The following TCHH variants were observed in gnomAD, a reference collection of about 807,000 sequenced individuals.
TCHH encodes trichohyalin.
Under a neutral mutation model 6.3 loss-of-function variants are expected in TCHH, and 6 were observed. That is an observed-to-expected ratio of 0.95 (90% confidence interval 0.52 to 1.88). The LOEUF (loss-of-function observed/expected upper bound fraction) is 1.88, where lower values mean the gene tolerates loss of function less well. Among genes scored for constraint, TCHH ranks in the 40% most tolerant of loss-of-function variants. The probability of loss-of-function intolerance (pLI) is 0.01; values close to 1 mark genes in which losing one functional copy is unlikely to be tolerated. For missense variants in TCHH, 2,920 were observed against 2,449.1 expected (o/e 1.19, Z -4.06); for synonymous variants, 1,087 against 963.6 (o/e 1.13, Z -2.37).
chr1:152,112,955 C>T lies in TCHH; in HGVS notation c.262G>A (p.Ala88Thr), dbSNP rs1285107430. Residue 88 changes from alanine to threonine, a missense_variant, in exon 3 of 3, where the codon GCT becomes ACT. By Grantham distance (58) the Ala-to-Thr change is moderately conservative (BLOSUM62 0). Transcript: ENST00000614923. ...TCCAGTCCCGTGGCCTGGCCGAGAG[C>T]ATAGTAACAAGCTTGAGCCACTTTG... ...IFKVAQACYY[A>T]LGQATGLDEE... is the part of the protein sequence containing the mutation. 1.1e-5 allele frequency: 18 copies of T among 1,614,012 alleles called. No individual in the cohort carries two copies. In the East Asian group the frequency reaches 2.2e-4, roughly 20 times the overall value.
rs1165762801 is a variant in TCHH, at chr1:152,107,227, G to A, written c.*158C>T. On this transcript the variant is annotated 3_prime_UTR_variant, in exon 3 of 3. Coordinates refer to ENST00000614923, the MANE Select transcript of TCHH (RefSeq NM_007113.4). ...AATAAAAAGCAGAAGTACAAAGTGC[G>A]TAAAATGAGCGTAGTTTAAGATTTT... 6 of 748,084 alleles carry A rather than the reference G, an allele frequency of 8.0e-6. No homozygotes were observed. Among genetic ancestry groups the A allele is most frequent in the African/African-American group, 3.5e-5 (2 of 57,698 alleles). 46.3% of individuals were successfully genotyped at this position (748,084 alleles called of 1,614,324 possible).
chr1:152,113,991 C>G lies in TCHH; in HGVS notation c.90G>C (p.Lys30Asn). 3 of 1,613,970 alleles carry G rather than the reference C, an allele frequency of 1.9e-6. No individual in the cohort carries two copies. The highest frequency in any genetic ancestry group is 1.7e-6 in the Non-Finnish European group (2 of 1,179,938). Residue 30 changes from lysine to asparagine, a missense_variant, in exon 2 of 3, where the codon AAG becomes AAC. Physicochemically the swap from Lys to Asn is moderately conservative, Grantham distance 94. Coordinates refer to ENST00000614923, the MANE Select transcript of TCHH (RefSeq NM_007113.4). ...TTTCAAGGAGGTTCTTCAGGTCTTT[C>G]TTAGTTAATGCTGCTCCATCACAAT... is the stretch of plus-strand genomic sequence containing the variant. ...SHDCDGAALT[K>N]KDLKNLLERE...
In TCHH at chr1:152,110,045, G is replaced by A. The variant is rs753219535; in HGVS notation, c.3172C>T (p.Gln1058Ter). 1.9e-6 allele frequency: 3 copies of A among 1,607,538 alleles called. No homozygotes were observed. Among genetic ancestry groups the A allele is most frequent in the Non-Finnish European group, 2.5e-6 (3 of 1,177,646 alleles). ...RQYREEEELQ[Q>*]EEEQLLGEER... ...TCTCCCAGCAGCTGCTCTTCCTCCT[G>A]CTGCAGCTCCTCTTCCTCCCGATAT... Residue 1058 changes from glutamine to a stop codon, truncating the protein, a stop_gained, in exon 3 of 3, where the codon CAG becomes TAG. Transcript: ENST00000614923. LOFTEE classifies it low-confidence loss of function (END_TRUNC).
chr1:152,110,098 T>C lies in TCHH; in HGVS notation c.3119A>G (p.Lys1040Arg). The change falls in exon 3 of 3, where the codon AAA (lysine) becomes AGA (arginine). Residue 1040 changes from lysine to arginine, a missense_variant. Coordinates refer to ENST00000614923, the MANE Select transcript of TCHH (RefSeq NM_007113.4). ...EEQLLREEREKRRLQERERQY... is the reference protein window; with the variant it reads ...EEQLLREERERRRLQERERQY... ...CCTCTCCCGCTCCTGGAGTCTTCTT[T>C]TCTCCCGTTCCTCTCTCAGCAGCTG... 15 of 1,611,176 alleles carry C rather than the reference T, an allele frequency of 9.3e-6. No homozygotes were observed. Among genetic ancestry groups the C allele is most frequent in the Non-Finnish European group, 1.2e-5 (14 of 1,179,036 alleles).
rs1312808667 is a variant in TCHH at position 152,111,449 on chromosome 1, G to A, written c.1768C>T (p.Leu590=). 2.3e-5 allele frequency: 37 copies of A among 1,606,524 alleles called. No homozygotes were observed. Among genetic ancestry groups the A allele is most frequent in the Non-Finnish European group, 3.1e-5 (37 of 1,178,242 alleles). The change falls in exon 3 of 3, where the codon CTG becomes TTG. Residue 590 remains leucine (L), a synonymous_variant. Coordinates refer to ENST00000614923, the MANE Select transcript of TCHH (RefSeq NM_007113.4). ...KREEERRQQR[L]KREQEERLEQ... is the part of the protein sequence containing the mutation. Reference sequence around the variant, plus strand: ...AGCCTCTCTTCCTGCTCGCGCTTCAGCCGCTGCTGGCGCCTCTCCTCCTCG... The same window carrying A: ...AGCCTCTCTTCCTGCTCGCGCTTCAACCGCTGCTGGCGCCTCTCCTCCTCG...
At position 152,112,373 on chromosome 1, in the gene TCHH, C is replaced by G. The variant is rs745980819; in HGVS notation, c.844G>C (p.Glu282Gln). 2.5e-6 allele frequency: 4 copies of G among 1,613,788 alleles called. No homozygotes were observed. The highest frequency in any genetic ancestry group is 1.3e-5 in the African/African-American group (1 of 75,010). ...CGCTCCCTCCTCAGCTCTTGCCGCT[C>G]CAGCTTCCGTAGCTGCTCTTCTTCC... ...QEEEEQLRKLERQELRRERQE... is the reference protein window; with the variant it reads ...QEEEEQLRKLQRQELRRERQE... The change falls in exon 3 of 3, where the codon GAG (glutamate) becomes CAG (glutamine). Residue 282 changes from glutamate (E) to glutamine (Q), a missense_variant. Transcript: ENST00000614923.
At chr1:152,113,126 T>C in intron 2 of TCHH, 48 bp from the exon 3 acceptor site, 1 of 1,490,664 alleles carries the variant, frequency 6.7e-7, no homozygotes, top group Non-Finnish European at 9.0e-7. Flanking sequence ...TATTTACAGG[T>C]GGTAAAATTA....
Position 152,111,933 on chromosome 1 carries a change from C to T in TCHH, c.1284G>A (p.Glu428=), listed in dbSNP as rs774019362. The change falls in exon 3 of 3, where the codon GAG becomes GAA. Residue 428 remains glutamate, a synonymous_variant. Coordinates refer to ENST00000614923, the MANE Select transcript of TCHH (RefSeq NM_007113.4). ...TCTGCTCGTGCCTCTCCTCCTCCTG[C>T]TCGCGCCTCAGCTGCTGCTCGCGCC... ...QLRREQQLRR[E]QEEERHEQKH... 1 of 1,587,480 alleles carries T rather than the reference C, an allele frequency of 6.3e-7. No individual in the cohort carries two copies. The highest frequency in any genetic ancestry group is 8.5e-7 in the Non-Finnish European group (1 of 1,177,046).
Position 152,107,990 on chromosome 1 carries a change from G to C in TCHH, c.5227C>G (p.Gln1743Glu), listed in dbSNP as rs1190469585. ...TCTAGGATTTTTCTGTAGCGTTCTT[G>C]GCGGCGCAGCTGCTCTTGCTCCGTT... ...QETEQEQLRR[Q>E]ERYRKILEEE... The change falls in exon 3 of 3, where the codon CAA becomes GAA. Residue 1743 changes from glutamine (Q) to glutamate (E), a missense_variant. Physicochemically the swap from Gln to Glu is conservative, Grantham distance 29 (BLOSUM62 2). Coordinates refer to ENST00000614923, the MANE Select transcript of TCHH (RefSeq NM_007113.4). 3.7e-6 allele frequency: 6 copies of C among 1,613,226 alleles called. No individual in the cohort carries two copies. Among genetic ancestry groups the C allele is most frequent in the African/African-American group, 1.3e-5 (1 of 74,654 alleles).
rs746206484 is a variant in TCHH at position 152,110,940 on chromosome 1, C to T, written c.2277G>A (p.Gln759=). 57 of 1,613,234 alleles carry T rather than the reference C, an allele frequency of 3.5e-5. No homozygotes were observed. Among genetic ancestry groups the T allele is most frequent in the Non-Finnish European group, 4.7e-5 (55 of 1,179,992 alleles). The part of the protein sequence containing the change: ...QEEERAHRQQ[Q]EEEQRRDFTW... ...TGAAGTCCCGGCGCTGCTCCTCTTC[C>T]TGCTGCTGCCGGTGAGCCCGTTCCT... The change falls in exon 3 of 3, where the codon CAG becomes CAA. Residue 759 remains glutamine, a synonymous_variant. Transcript: ENST00000614923.
rs556651621 is a variant in TCHH at position 152,107,148 on chromosome 1, C to T, written c.*237G>A. 1 of 412,764 alleles carries T rather than the reference C, an allele frequency of 2.4e-6. No homozygotes were observed. Among genetic ancestry groups the T allele is most frequent in the African/African-American group, 2.0e-5 (1 of 49,640 alleles). 25.6% of individuals were successfully genotyped at this position (412,764 alleles called of 1,614,324 possible). A position where few individuals can be genotyped will look rare whatever the true frequency, so the allele number is the denominator to read the frequency against. On this transcript the variant is annotated 3_prime_UTR_variant, in exon 3 of 3. Coordinates refer to ENST00000614923, the MANE Select transcript of TCHH (RefSeq NM_007113.4). ...TATTTTTTTTAAATGCACACCACATCTGCATCAAAGAGCAAAAGAAAGACA... is the reference window on the plus strand; with the variant it reads ...TATTTTTTTTAAATGCACACCACATTTGCATCAAAGAGCAAAAGAAAGACA...
chr1:152,107,197 G>C lies in TCHH; in HGVS notation c.*188C>G, dbSNP rs1274839629. 1 of 543,044 alleles carries C rather than the reference G, an allele frequency of 1.8e-6. No individual in the cohort carries two copies. 33.6% of individuals were successfully genotyped at this position (543,044 alleles called of 1,614,324 possible). On this transcript the variant is annotated 3_prime_UTR_variant, in exon 3 of 3. Coordinates refer to ENST00000614923, the MANE Select transcript of TCHH (RefSeq NM_007113.4). The stretch of plus-strand genomic sequence containing the variant: ...CATCTTGCAGTAAAGAACTACTTGA[G>C]GAAGAATAAAAAGCAGAAGTACAAA...
rs766748307 is a variant in TCHH at position 152,108,404 on chromosome 1, G to A, written c.4813C>T (p.Arg1605Cys). 8 of 1,612,836 alleles carry A rather than the reference G, an allele frequency of 5.0e-6. No homozygotes were observed. In the South Asian group the frequency reaches 6.6e-5, roughly 13 times the overall value. ...AGCTGTTGTTGGCCCTCCTGGCGGC[G>A]CAGCTGCTGTTCGTCCTCCATGAAT... ...RKFMEDEQQL[R>C]RQEGQQQLRQ... The change falls in exon 3 of 3, where the codon CGC becomes TGC. Residue 1605 changes from arginine (R) to cysteine (C), a missense_variant. By Grantham distance (180) the Arg-to-Cys change is radical (BLOSUM62 -3). Transcript: ENST00000614923.
rs148335014 is a variant in TCHH at position 152,108,968 on chromosome 1, G to A, written c.4249C>T (p.Arg1417Cys). ...QLRQDRDRKF[R>C]EEEQQLSRQE... Reference sequence around the variant, plus strand: ...CGGCTCAGCTGCTGTTCCTCCTCGCGGAATTTTCTGTCGCGGTCCTGACGC... The same window carrying A: ...CGGCTCAGCTGCTGTTCCTCCTCGCAGAATTTTCTGTCGCGGTCCTGACGC... The change falls in exon 3 of 3, where the codon CGC becomes TGC. Residue 1417 changes from arginine to cysteine, a missense_variant. Physicochemically the swap from Arg to Cys is radical, Grantham distance 180. Transcript: ENST00000614923. 5.5e-5 allele frequency: 88 copies of A among 1,610,356 alleles called. No homozygotes were observed. In the East Asian group the frequency reaches 1.9e-3, roughly 35 times the overall value.
Position 152,109,067 on chromosome 1 carries a change from G to A in TCHH, c.4150C>T (p.Arg1384Cys), listed in dbSNP as rs200849544. The stretch of plus-strand genomic sequence containing the variant: ...AATTTTCTCTCCCGTTCCTGGCGGC[G>A]CAGCCGCTGTTCCTCCTCGAGGAAT... The part of the protein sequence containing the change: ...RKFLEEEQRL[R>C]RQERERKFLK... The change falls in exon 3 of 3, where the codon CGC (arginine) becomes TGC (cysteine). Residue 1384 changes from arginine to cysteine, a missense_variant. Coordinates refer to ENST00000614923, the MANE Select transcript of TCHH (RefSeq NM_007113.4). The A allele has an allele frequency of 1.2e-5, 19 of 1,613,084 alleles. No individual in the cohort carries two copies. Among genetic ancestry groups the A allele is most frequent in the Non-Finnish European group, 1.5e-5 (18 of 1,179,798 alleles).
Position 152,109,960 on chromosome 1 carries a change from A to G in TCHH, c.3257T>C (p.Leu1086Pro). ...CAGCAGCTGCTCTTCCTCCTGCTGC[A>G]GCTCCTCTTCCTTCCGATATTGCCT... ...LERQYRKEEE[L>P]QQEEEQLLRE... Residue 1086 changes from leucine (L) to proline (P), a missense_variant, in exon 3 of 3, where the codon CTG becomes CCG. Leu to Pro is a moderately conservative substitution (Grantham distance 98). Transcript: ENST00000614923. 6.4e-7 allele frequency: 1 copy of G among 1,573,762 alleles called. No homozygotes were observed. Among genetic ancestry groups the G allele is most frequent in the Non-Finnish European group, 8.6e-7 (1 of 1,164,082 alleles).
rs142908869 is a variant in TCHH at position 152,109,398 on chromosome 1, T to C, written c.3819A>G (p.Glu1273=). 7.9e-5 allele frequency: 128 copies of C among 1,614,226 alleles called. No individual in the cohort carries two copies. Among genetic ancestry groups the C allele is most frequent in the Non-Finnish European group, 1.0e-4 (123 of 1,180,006 alleles). The part of the protein sequence containing the change: ...SQQDLQHLLG[E]QQERDREQER... Reference sequence around the variant, plus strand: ...CTTGCTCACGATCTCGCTCTTGCTGTTCACCCAGCAGGTGCTGCAGATCTT... The same window carrying C: ...CTTGCTCACGATCTCGCTCTTGCTGCTCACCCAGCAGGTGCTGCAGATCTT... Residue 1273 remains glutamate (E), a synonymous_variant, in exon 3 of 3, where the codon GAA becomes GAG. Coordinates refer to ENST00000614923, the MANE Select transcript of TCHH (RefSeq NM_007113.4).
Position 152,110,757 on chromosome 1 carries a change from C to T in TCHH, c.2460G>A (p.Arg820=). ...TCTCCCTCTCGCGTCGCTGGCGGCG[C>T]CGCTGCTCCTTCTCCTCCTCCTCCG... ...FLPEEEEKEQ[R]RRQRREREKE... The change falls in exon 3 of 3, where the codon CGG becomes CGA. Residue 820 remains arginine, a synonymous_variant. Transcript: ENST00000614923. The T allele has an allele frequency of 1.2e-6, 2 of 1,608,378 alleles. No individual in the cohort carries two copies. Among genetic ancestry groups the T allele is most frequent in the East Asian group, 4.5e-5 (2 of 44,866 alleles).
At chr1:152,113,168 G>T in intron 2 of TCHH, 90 bp from the exon 3 acceptor site, 2 of 1,248,538 alleles carry the variant, frequency 1.6e-6, no homozygotes, top group Non-Finnish European at 2.2e-6. Flanking sequence ...ATGCTATGCT[G>T]ACATTCAAGA....
Sources: gnomAD v4.1 joint callset for allele counts on GRCh38, gnomAD v4.1.1 for gene constraint, MANE v1.5 for transcripts, NCBI Gene and HGNC (gene_info 2026-07-23, HGNC 2026-07-21) for gene names.